HHIPL2: variants seen among roughly 807,000 people sequenced by gnomAD.
HHIPL2 encodes HHIP like 2, also known as HHIP-like protein 2.
HHIPL2 carries 61 observed loss-of-function variants against 61.0 expected under a neutral mutation model. The ratio of observed to expected loss-of-function variants is 1.00; its 90% CI spans 0.81 to 1.24. The LOEUF is 1.24. Ranked by LOEUF, HHIPL2 falls within the 50% of genes most tolerant of loss-of-function variation. The pLI is 0.00. For synonymous variants in HHIPL2, 343 were observed against 357.4 expected (o/e 0.96, Z 0.45); for missense variants, 885 against 910.2 (o/e 0.97, Z 0.36).
In HHIPL2 at chr1:222,543,962, A is replaced by G. The variant is rs1011268149; in HGVS notation, c.549T>C (p.Asn183=). 1.2e-5 allele frequency: 20 copies of G among 1,614,064 alleles called. No individual in the cohort carries two copies. Among genetic ancestry groups the G allele is most frequent in the East Asian group, 2.2e-5 (1 of 44,888 alleles). Residue 183 remains asparagine (N), a synonymous_variant, in exon 2 of 9, where the codon AAT becomes AAC. Transcript: ENST00000343410. ...GGTTGAGATAGTCGTTCCTCAGGAC[A>G]TTAGGGAAGCAATAGTCCTTGTCAG... is the stretch of plus-strand genomic sequence containing the variant. ...DLPDKDYCFP[N]VLRNDYLNRH...
intron 1 of HHIPL2, 148 bp downstream of exon 1, chr1:222,547,576 T>C: frequency 1.5e-6 from 1 of 645,624 alleles, no homozygotes; most frequent in South Asian, 1.9e-5. Flanking sequence ...CTCATGTCAG[T>C]GTGCGTGTCC....
intron 1 of HHIPL2, among the ~76,000 whole-genome samples, 158 bp downstream of exon 1, chr1:222,547,566 C>T (rs905026366): frequency 6.6e-6 from 1 of 152,088 alleles, no homozygotes; most frequent in Non-Finnish European, 1.5e-5. Context: ...TCAGCACACA[C>T]TCATGTCAGT....
intron 1 of HHIPL2, among the ~76,000 whole-genome samples, chr1:222,545,132 G>A (rs1029211376): frequency 8.5e-5 from 13 of 152,260 alleles, no homozygotes; most frequent in Non-Finnish European, 2.9e-5. Flanking sequence ...AAAGACAGAG[G>A]CAACTGAGAT....
chr1:222,524,662 A>C (rs370936303), intron 7 of HHIPL2, among the ~76,000 whole-genome samples: 1 of 152,160 alleles, frequency 6.6e-6, no homozygotes, highest in Non-Finnish European at 1.5e-5. Context: ...GTATTTAGCT[A>C]CCCCTAAAGG....
At position 222,547,851 on chromosome 1, in the gene HHIPL2, T is replaced by A. The variant is rs531218603; in HGVS notation, c.194A>T (p.Glu65Val). Residue 65 changes from glutamate to valine, a missense_variant, in exon 1 of 9, where the codon GAG becomes GTG. Transcript: ENST00000343410. ...GTGCTGATCACAGCAGCCGAAGGAC[T>A]CATAGTCAGAGCAAAACTCAAGGTG... is the stretch of plus-strand genomic sequence containing the variant. The part of the protein sequence containing the change: ...PLHLEFCSDY[E>V]SFGCCDQHKD... 12 of 1,614,092 alleles carry A rather than the reference T, an allele frequency of 7.4e-6. No homozygotes were observed. The South Asian group carries it at 1.3e-4, about 18-fold the overall frequency.
chr1:222,543,334 A>G (rs979271356), intron 2 of HHIPL2, among the ~76,000 whole-genome samples: 4 of 152,194 alleles, frequency 2.6e-5, no homozygotes, highest in African/African-American at 9.6e-5. Flanking sequence ...TATTTAGGGT[A>G]ACTGTAAGGT....
chr1:222,548,049 G>A lies in HHIPL2; in HGVS notation c.-5C>T. On this transcript the variant is annotated 5_prime_UTR_variant, in exon 1 of 9. Transcript: ENST00000343410. ...AGGAGTGGACGTTCTCAGCATTTTG[G>A]CCTTGGGAACACTCGGGCTGCTGTG... is the stretch of plus-strand genomic sequence containing the variant. 2.6e-6 allele frequency: 4 copies of A among 1,543,470 alleles called. No individual in the cohort carries two copies. The highest frequency in any genetic ancestry group is 3.5e-6 in the Non-Finnish European group (4 of 1,142,486).
At chr1:222,536,961 C>T (rs1428581826) in intron 5 of HHIPL2, among the ~76,000 whole-genome samples, 1 of 152,036 alleles carries the variant, frequency 6.6e-6, no homozygotes, top group Non-Finnish European at 1.5e-5. Flanking sequence ...ATCACTTGAG[C>T]CCAGGAGTTT....
chr1:222,537,611 G>A (rs544564431), intron 5 of HHIPL2, among the ~76,000 whole-genome samples: 15 of 147,698 alleles, frequency 1.0e-4, no homozygotes, highest in South Asian at 4.3e-4. Context: ...CAGCCTGGCC[G>A]ACAGAGCGAG....
At chr1:222,539,837 C>T (rs888625914) in intron 4 of HHIPL2, among the ~76,000 whole-genome samples, 173 bp downstream of exon 4, 7 of 152,180 alleles carry the variant, frequency 4.6e-5, no homozygotes, top group Non-Finnish European at 1.0e-4. Flanking sequence ...GCCAAGATGT[C>T]TCTGGTGCCA....
intron 8 of HHIPL2, 127 bp from the exon 9 acceptor site, chr1:222,523,014 G>T: frequency 1.3e-6 from 1 of 783,828 alleles, no homozygotes; most frequent in Non-Finnish European, 1.9e-6. Context: ...TCTCTAACTG[G>T]CCTTGGTCTA....
At chr1:222,542,528 C>CTTTTTTTTTT (rs772394115) in intron 2 of HHIPL2, among the ~76,000 whole-genome samples, 10 of 97,172 alleles carry the variant, frequency 1.0e-4, no homozygotes, top group African/African-American at 1.2e-4. Context: ...CCACATCTGG[C>CTTTTTTTTTT]TTTTTTTTTT....
intron 1 of HHIPL2, among the ~76,000 whole-genome samples, 185 bp from the exon 2 acceptor site, chr1:222,544,374 G>A (rs1659513481): frequency 6.6e-6 from 1 of 152,072 alleles, no homozygotes; most frequent in Admixed American, 6.5e-5. Context: ...GCTCCTAGAA[G>A]GCAGAAAACA....
In HHIPL2 at chr1:222,538,778, T is replaced by C. The variant is rs745791925; in HGVS notation, c.1451-4A>G. The C allele has an allele frequency of 1.2e-6, 2 of 1,613,482 alleles. No individual in the cohort carries two copies. The highest frequency in any genetic ancestry group is 4.5e-5 in the East Asian group (2 of 44,872). On this transcript the variant is annotated splice_region_variant and splice_polypyrimidine_tract_variant and intron_variant, in intron 4 of 8. Coordinates refer to ENST00000343410, the MANE Select transcript of HHIPL2 (RefSeq NM_024746.4). ...GCATAGATTGGCAGAACATCATCTG[T>C]CCAGGAGAGAGGAAAGAGAGTGAGT...
intron 2 of HHIPL2, 107 bp downstream of exon 2, chr1:222,543,430 C>G (rs576320513): frequency 1.6e-5 from 18 of 1,119,670 alleles, no homozygotes; most frequent in Non-Finnish European, 1.8e-5. Context: ...CTCAACAGTT[C>G]GAGTAGTGCT....
intron 4 of HHIPL2, among the ~76,000 whole-genome samples, chr1:222,539,546 A>G (rs1043326943): frequency 4.5e-4 from 66 of 147,712 alleles, no homozygotes; most frequent in Non-Finnish European, 8.0e-4. Flanking sequence ...AAAAAAAAAA[A>G]AAAGAAAGAA....
intron 6 of HHIPL2, among the ~76,000 whole-genome samples, chr1:222,528,254 C>G (rs1167852958): frequency 1.3e-5 from 2 of 152,190 alleles, no homozygotes; most frequent in Admixed American, 6.5e-5. Context: ...GATATTTATT[C>G]ATTTGTAAAA....
chr1:222,540,908 C>T (rs61825519), intron 3 of HHIPL2, among the ~76,000 whole-genome samples: 50,276 of 152,032 alleles, frequency 0.33, 8,734 homozygotes, highest in East Asian at 0.52. Flanking sequence ...GGTCTGGGAT[C>T]TAATGAACAC....
intron 1 of HHIPL2, among the ~76,000 whole-genome samples, chr1:222,545,695 G>C (rs17463586): frequency 6.6e-6 from 1 of 151,728 alleles, no homozygotes; most frequent in African/African-American, 2.4e-5. Flanking sequence ...CTCAGTAAAT[G>C]AACAGATACT....
Sources: allele counts gnomAD v4.1 joint callset (sites outside exome capture counted in the v4.1 genomes callset), GRCh38; gene constraint gnomAD v4.1.1; transcripts MANE v1.5; gene names NCBI Gene and HGNC (gene_info 2026-07-23, HGNC 2026-07-21).